Variants in SLC30A9 observed in about 807,000 individuals in gnomAD.
SLC30A9 encodes the protein proton-coupled zinc antiporter SLC30A9, mitochondrial.
In SLC30A9, 58 loss-of-function variants were observed where a neutral mutation model predicts 87.5. The ratio of observed to expected loss-of-function variants is 0.66; its 90% confidence interval spans 0.54 to 0.82. The LOEUF is 0.82. Among genes scored for constraint, SLC30A9 ranks in the 40% least tolerant of loss-of-function variants. The probability of loss-of-function intolerance (pLI) is 0.00; values close to 1 mark genes in which losing one functional copy is unlikely to be tolerated. For missense variants in SLC30A9, 557 were observed against 679.1 expected, an observed-to-expected ratio of 0.82 and a Z score of 2.00; for synonymous variants, 234 against 233.0, an observed-to-expected ratio of 1.00 and a Z score of -0.04.
chr4:41,997,033 C>CAAATAAATAAAT (rs71650957), intron 1 of SLC30A9, among the ~76,000 whole-genome samples: 61,122 of 140,570 alleles, frequency 0.43, 16,118 homozygotes, highest in East Asian at 0.74. Context: ...GACTCCATCT[C>CAAATAAATAAAT]AAATAAATAA....
chr4:41,990,990 G>A (rs1328079257), intron 1 of SLC30A9, among the ~76,000 whole-genome samples: 2 of 152,252 alleles, frequency 1.3e-5, no homozygotes, highest in Non-Finnish European at 2.9e-5. Context: ...GAACTTGTGG[G>A]CACCTCGCGG....
rs186319450 is a variant in SLC30A9, at chr4:42,054,219, G to A, written c.840+4740G>A. Among the ~76,000 whole-genome samples, 128 of 152,116 alleles carry A rather than the reference G, an allele frequency of 8.4e-4. 1 individual carries two copies. The highest frequency in any genetic ancestry group is 5.6e-3 in the South Asian group (27 of 4,804). On this transcript the variant is annotated intron_variant, in intron 9 of 17. Transcript: ENST00000264451. ...AAAAATACAAAAACATTAGCTGAGC[G>A]TGGTGGTACATGCCTGTAATCCCAG...
chr4:42,019,982 T>C (rs1259198947), intron 3 of SLC30A9, among the ~76,000 whole-genome samples: 1 of 151,972 alleles, frequency 6.6e-6, no homozygotes, highest in African/African-American at 2.4e-5. Context: ...TTTTTTTTAG[T>C]AGAGACAGGG....
chr4:42,016,639 T>TTA (rs1715730998), intron 2 of SLC30A9, among the ~76,000 whole-genome samples: 1 of 152,196 alleles, frequency 6.6e-6, no homozygotes, highest in Non-Finnish European at 1.5e-5. Flanking sequence ...TTGGAGATAA[T>TTA]TATAGCACAT....
chr4:42,033,564 A>G (rs574386240), intron 6 of SLC30A9, among the ~76,000 whole-genome samples: 52 of 152,284 alleles, frequency 3.4e-4, no homozygotes, highest in Admixed American at 3.1e-3. Flanking sequence ...AAGGCATACT[A>G]TACATACTTT....
chr4:42,071,632 A>T (rs1430634393), intron 15 of SLC30A9, among the ~76,000 whole-genome samples: 1 of 150,372 alleles, frequency 6.7e-6, no homozygotes, highest in Non-Finnish European at 1.5e-5. Context: ...GTGAATAGCC[A>T]CTCACTGTAC....
intron 17 of SLC30A9, among the ~76,000 whole-genome samples, chr4:42,084,707 G>C (rs1718862027): frequency 6.6e-6 from 1 of 152,158 alleles, no homozygotes; most frequent in Admixed American, 6.5e-5. Flanking sequence ...TCTTGACCTT[G>C]TGATCCGCCC....
Position 42,086,255 on chromosome 4 carries a change from A to C in SLC30A9, c.*129A>C, listed in dbSNP as rs1718922449. The C allele has an allele frequency of 6.2e-6, 3 of 480,864 alleles. No individual in the cohort carries two copies. In the South Asian group the frequency reaches 1.5e-4, roughly 25 times the overall value. The allele number at this position is 480,864 out of a possible 1,614,324, so 29.8% of individuals were successfully genotyped here. On this transcript the variant is annotated 3_prime_UTR_variant, in exon 18 of 18. Transcript: ENST00000264451. ...AGAAGCCTTTTTTTTAAGATGAAGG[A>C]AATATTTTATGTAAAGAGCAACTCA...
rs1188483599 is a variant in SLC30A9 at position 42,087,492 on chromosome 4, G to A, written c.*1366G>A. The A allele has an allele frequency of 6.6e-6, 1 of 151,738 alleles. No homozygotes were observed. Among genetic ancestry groups the A allele is most frequent in the African/African-American group, 2.4e-5 (1 of 41,330 alleles). The allele number at this position is 151,738 out of a possible 1,614,324, so 9.4% of individuals were successfully genotyped here. On this transcript the variant is annotated 3_prime_UTR_variant, in exon 18 of 18. Transcript: ENST00000264451. ...TGAATTATTGCAAATTGTAATGCTGGAAACAAAAAATAAATCCTTGGTTAA... is the reference window on the plus strand; with the variant it reads ...TGAATTATTGCAAATTGTAATGCTGAAAACAAAAAATAAATCCTTGGTTAA...
At chr4:42,074,628 T>G (rs558753197) in intron 15 of SLC30A9, among the ~76,000 whole-genome samples, 14 of 152,272 alleles carry the variant, frequency 9.2e-5, no homozygotes, top group Non-Finnish European at 1.5e-5. Context: ...CTAGCTAAAT[T>G]ACCTTGAGCA....
At position 42,087,598 on chromosome 4, in the gene SLC30A9, T is replaced by TC. The variant is rs1284705391; in HGVS notation, c.*1472_*1473insC. Reference sequence around the variant, plus strand: ...GACTTTACGTTGGTGTATTTTTCTTTTTTTTTTTTTTACTATTACAGAGTA... The same window carrying TC: ...GACTTTACGTTGGTGTATTTTTCTTTCTTTTTTTTTTTACTATTACAGAGTA... On this transcript the variant is annotated 3_prime_UTR_variant, in exon 18 of 18. Coordinates refer to ENST00000264451, the MANE Select transcript of SLC30A9 (RefSeq NM_006345.4). The TC allele has an allele frequency of 3.4e-5, 5 of 147,606 alleles. No homozygotes were observed. The highest frequency in any genetic ancestry group is 7.5e-5 in the Non-Finnish European group (5 of 66,322). 9.1% of individuals were successfully genotyped at this position (147,606 alleles called of 1,614,324 possible).
At chr4:42,027,356 A>G (rs1369282292) in intron 6 of SLC30A9, among the ~76,000 whole-genome samples, 2 of 152,216 alleles carry the variant, frequency 1.3e-5, no homozygotes, top group African/African-American at 4.8e-5. Context: ...TAGCTCCGAC[A>G]GAGACTGCGT....
At chr4:41,993,686 C>T (rs1016364382) in intron 1 of SLC30A9, among the ~76,000 whole-genome samples, 4 of 152,122 alleles carry the variant, frequency 2.6e-5, no homozygotes, top group African/African-American at 9.7e-5. Flanking sequence ...TCTGACCTAA[C>T]AGTTTTTACT....
chr4:42,007,613 C>T (rs1007876867), intron 2 of SLC30A9, among the ~76,000 whole-genome samples: 6 of 139,890 alleles, frequency 4.3e-5, no homozygotes, highest in Non-Finnish European at 6.4e-5. Flanking sequence ...TAGCCGGAGC[C>T]GGGCATGGTG....
In SLC30A9 at chr4:42,086,513, C is replaced by T. The variant is rs1439865567; in HGVS notation, c.*387C>T. On this transcript the variant is annotated 3_prime_UTR_variant, in exon 18 of 18. Coordinates refer to ENST00000264451, the MANE Select transcript of SLC30A9 (RefSeq NM_006345.4). ...AGGATCATGATTTTTAATTTGTTGC[C>T]TCTGAAGATTTCACTCCATCAAGAT... 6.3e-6 allele frequency: 1 copy of T among 158,594 alleles called. No individual in the cohort carries two copies. The allele number at this position is 158,594 out of a possible 1,614,324, so 9.8% of individuals were successfully genotyped here. A position where few individuals can be genotyped will look rare whatever the true frequency, so the allele number is the denominator to read the frequency against.
chr4:41,998,797 C>T (rs1714855309), intron 1 of SLC30A9, among the ~76,000 whole-genome samples: 1 of 152,078 alleles, frequency 6.6e-6, no homozygotes, highest in Admixed American at 6.6e-5. Context: ...GGTTGTGTTT[C>T]TATTGCTATG....
At chr4:42,003,441 G>A (rs1715068935) in intron 2 of SLC30A9, among the ~76,000 whole-genome samples, 1 of 152,004 alleles carries the variant, frequency 6.6e-6, no homozygotes, top group Non-Finnish European at 1.5e-5. Context: ...TTTTTTTATG[G>A]TTCTGTAAAT....
At chr4:42,033,780 T>C (rs530081656) in intron 6 of SLC30A9, among the ~76,000 whole-genome samples, 2 of 152,322 alleles carry the variant, frequency 1.3e-5, no homozygotes, top group South Asian at 2.1e-4. Context: ...TTTCACCATG[T>C]TAGCCAGGAT....
At chr4:42,053,882 T>C (rs1717492582) in intron 9 of SLC30A9, among the ~76,000 whole-genome samples, 1 of 152,034 alleles carries the variant, frequency 6.6e-6, no homozygotes, top group African/African-American at 2.4e-5. Context: ...ACTGGCAACA[T>C]AGATGTATCT....
Sources: gnomAD v4.1 joint callset for allele counts (sites outside exome capture counted in the v4.1 genomes callset) on GRCh38, gnomAD v4.1.1 for gene constraint, MANE v1.5 for transcripts, NCBI Gene and HGNC (gene_info 2026-07-23, HGNC 2026-07-21) for gene names.